The following DEUP1 variants were observed in gnomAD, a reference collection of about 807,000 sequenced individuals.
DEUP1 encodes the protein coiled-coil domain containing 67.
In DEUP1, 82 loss-of-function variants were observed where a neutral mutation model predicts 87.4. The ratio of observed to expected loss-of-function variants is 0.94; its 90% CI spans 0.78 to 1.13. DEUP1 has a LOEUF of 1.13. Ranked by LOEUF, DEUP1 falls within the 50% of genes most tolerant of loss-of-function variation. DEUP1 has a pLI of 0.00. For missense variants in DEUP1, 663 were observed against 681.5 expected, an observed-to-expected ratio of 0.97 and a Z score of 0.30; for synonymous variants, 214 against 222.7, an observed-to-expected ratio of 0.96 and a Z score of 0.35.
chr11:93,407,055 A>T (rs1947300544), intron 11 of DEUP1, among the ~76,000 whole-genome samples: 1 of 152,028 alleles, frequency 6.6e-6, no homozygotes, highest in South Asian at 2.1e-4. Context: ...GAAATGTATA[A>T]GATTTATAGG....
chr11:93,364,913 C>A (rs747480105), intron 5 of DEUP1, among the ~76,000 whole-genome samples: 5 of 152,018 alleles, frequency 3.3e-5, no homozygotes, highest in African/African-American at 4.8e-5. Flanking sequence ...CGTTTTCCAA[C>A]CTTGGAAAAA....
chr11:93,380,562 G>A (rs529592083), intron 7 of DEUP1, among the ~76,000 whole-genome samples: 181 of 151,864 alleles, frequency 1.2e-3, no homozygotes, highest in African/African-American at 4.0e-3. Flanking sequence ...CACCATGCTC[G>A]GCTATTTTTT....
chr11:93,409,071 G>T (rs1010974252), intron 12 of DEUP1, among the ~76,000 whole-genome samples: 2 of 152,082 alleles, frequency 1.3e-5, no homozygotes, highest in Non-Finnish European at 2.9e-5. Context: ...TGGCCAGGCT[G>T]GTCTCTAACT....
chr11:93,383,519 GA>G, intron 7 of DEUP1: 1 of 613,442 alleles, frequency 1.6e-6, no homozygotes, highest in South Asian at 2.1e-5. Flanking sequence ...TGGGGATGAT[GA>G]AAATGCTCTG....
chr11:93,428,776 T>G (rs1018646833), intron 13 of DEUP1, among the ~76,000 whole-genome samples: 1 of 152,196 alleles, frequency 6.6e-6, no homozygotes, highest in African/African-American at 2.4e-5. Context: ...ACCCTGGTCA[T>G]AGGCAATCAT....
chr11:93,389,658 AT>A (rs1400974974), intron 9 of DEUP1, among the ~76,000 whole-genome samples: 1 of 152,174 alleles, frequency 6.6e-6, no homozygotes, highest in African/African-American at 2.4e-5. Context: ...CTCCTTTTAC[AT>A]TTGAGGAAAC....
At chr11:93,351,303 T>C (rs1169837399) in intron 2 of DEUP1, among the ~76,000 whole-genome samples, 1 of 152,118 alleles carries the variant, frequency 6.6e-6, no homozygotes, top group Non-Finnish European at 1.5e-5. Flanking sequence ...TAGGCCTTAT[T>C]TTAACTTCCT....
intron 12 of DEUP1, among the ~76,000 whole-genome samples, chr11:93,412,532 C>G (rs561738087): frequency 6.6e-6 from 1 of 152,218 alleles, no homozygotes; most frequent in Admixed American, 6.5e-5. Flanking sequence ...TGATCTTACA[C>G]TAAAAAGAAT....
intron 4 of DEUP1, among the ~76,000 whole-genome samples, chr11:93,359,155 A>C (rs1250978981): frequency 1.3e-5 from 2 of 152,232 alleles, no homozygotes; most frequent in African/African-American, 2.4e-5. Context: ...TTCTAAGCAG[A>C]AAATGGTATC....
At chr11:93,418,040 T>C (rs551697831) in intron 13 of DEUP1, among the ~76,000 whole-genome samples, 2 of 152,152 alleles carry the variant, frequency 1.3e-5, no homozygotes, top group Admixed American at 1.3e-4. Flanking sequence ...TCAAGATGGA[T>C]TAAAGACTTA....
chr11:93,388,396 T>C (rs897620298), intron 8 of DEUP1, among the ~76,000 whole-genome samples: 1 of 152,208 alleles, frequency 6.6e-6, no homozygotes, highest in Non-Finnish European at 1.5e-5. Flanking sequence ...CACTGGTTTG[T>C]CTCATATGAA....
Position 93,357,040 on chromosome 11 carries a change from T to C in DEUP1, c.294T>C (p.Ala98=). ...AAGGACAACTACAAAGCCTAAAGGCTCAAGTAAGAAAACTTATTATAATTT... is the reference window on the plus strand; with the variant it reads ...AAGGACAACTACAAAGCCTAAAGGCCCAAGTAAGAAAACTTATTATAATTT... ...NYEGQLQSLK[A]QFSKLTNNFE... Residue 98 remains alanine, a synonymous_variant, in exon 4 of 14, where the codon GCT becomes GCC. Coordinates refer to ENST00000298050, the MANE Select transcript of DEUP1 (RefSeq NM_181645.4). 2 of 1,541,020 alleles carry C rather than the reference T, an allele frequency of 1.3e-6. No homozygotes were observed. The highest frequency in any genetic ancestry group is 8.8e-7 in the Non-Finnish European group (1 of 1,138,562).
In DEUP1 at chr11:93,400,326, C is replaced by G. The variant is rs76974419; in HGVS notation, c.1326+4001C>G. Among the ~76,000 whole-genome samples, 1,289 of 152,252 alleles carry G rather than the reference C, an allele frequency of 8.5e-3. 19 individuals carry two copies. Among genetic ancestry groups the G allele is most frequent in the African/African-American group, 0.03 (1,239 of 41,548 alleles). On this transcript the variant is annotated intron_variant, in intron 11 of 13. Transcript: ENST00000298050. ...AGAAGAGAATGTTTCATTGCCTCTT[C>G]CTGAATTCTGGTGGTTTGCCAACAA... is the stretch of plus-strand genomic sequence containing the variant.
chr11:93,389,045 A>G lies in DEUP1; in HGVS notation c.961A>G (p.Ile321Val), dbSNP rs777227915. The G allele has an allele frequency of 1.3e-6, 2 of 1,586,254 alleles. No individual in the cohort carries two copies. The highest frequency in any genetic ancestry group is 1.7e-6 in the Non-Finnish European group (2 of 1,161,552). ...TRLESSYLPSIKEPERKIKEL... is the reference protein window; with the variant it reads ...TRLESSYLPSVKEPERKIKEL... ...ACTTGAATCATCTTATTTGCCTTCT[A>G]TTAAAGAACCAGAAAGGAAAATAAA... Residue 321 changes from isoleucine to valine, a missense_variant, in exon 9 of 14, where the codon ATT becomes GTT. Ile to Val is a conservative substitution (Grantham distance 29). Transcript: ENST00000298050.
At position 93,408,211 on chromosome 11, in the gene DEUP1, TA is replaced by T. The variant is rs1295907496; in HGVS notation, c.1327-19del. 13 of 1,484,538 alleles carry T rather than the reference TA, an allele frequency of 8.8e-6. No individual in the cohort carries two copies. The Admixed American group carries it at 2.2e-4, about 25-fold the overall frequency. The allele number at this position is 1,484,538 out of a possible 1,614,324, so 92.0% of individuals were successfully genotyped here. On this transcript the variant is annotated intron_variant, in intron 11 of 13. Transcript: ENST00000298050. ...TTATAAGGGGCAGTTTATTCAATGA[TA>T]GTTTATTTTATTCTCTAGAGTATGG...
chr11:93,397,876 T>G (rs1946987868), intron 11 of DEUP1, among the ~76,000 whole-genome samples: 1 of 152,134 alleles, frequency 6.6e-6, no homozygotes, highest in Admixed American at 6.6e-5. Context: ...ATCCCTTTAT[T>G]TTTCCTAATT....
intron 11 of DEUP1, among the ~76,000 whole-genome samples, chr11:93,398,721 A>T (rs1362241553): frequency 1.4e-4 from 19 of 138,044 alleles, no homozygotes; most frequent in East Asian, 4.3e-4. Context: ...TTCATGTCAA[A>T]TTTTTTTTTT....
At chr11:93,414,417 G>C (rs534926355) in intron 12 of DEUP1, among the ~76,000 whole-genome samples, 13 of 152,258 alleles carry the variant, frequency 8.5e-5, no homozygotes, top group African/African-American at 2.6e-4. Flanking sequence ...GGAGACAGGA[G>C]AGTCTCTTGA....
chr11:93,415,189 G>C (rs774424865), intron 13 of DEUP1, 75 bp downstream of exon 13: 2 of 862,850 alleles, frequency 2.3e-6, no homozygotes, highest in East Asian at 5.0e-5. Flanking sequence ...TCAATAAACT[G>C]ACGTACATAG....
Sources: allele counts gnomAD v4.1 joint callset (sites outside exome capture counted in the v4.1 genomes callset), GRCh38; gene constraint gnomAD v4.1.1; transcripts MANE v1.5; gene names NCBI Gene and HGNC (gene_info 2026-07-23, HGNC 2026-07-21).